Variants in DTNB observed in about 807,000 individuals in gnomAD.
DTNB encodes the protein DTN-B.
DTNB carries 63 observed loss-of-function variants against 90.7 expected under a neutral mutation model. That is an observed-to-expected ratio of 0.69 (90% CI 0.57 to 0.86). DTNB has a LOEUF of 0.86. DTNB is among the 40% of genes least tolerant of loss of function. The pLI is 0.00. For synonymous variants in DTNB, 277 were observed against 286.7 expected (o/e 0.97, Z 0.34); for missense variants, 744 against 807.1 (o/e 0.92, Z 0.95).
chr2:25,477,208 CTATAG>C, intron 10 of DTNB, among the ~76,000 whole-genome samples: 1 of 152,224 alleles, frequency 6.6e-6, no homozygotes, highest in East Asian at 1.9e-4. Flanking sequence ...ACTTATGAGG[CTATAG>C]TATAGTGTAA....
chr2:25,587,193 G>A (rs1358502270), intron 6 of DTNB, among the ~76,000 whole-genome samples: 1 of 152,216 alleles, frequency 6.6e-6, no homozygotes, highest in Non-Finnish European at 1.5e-5. Context: ...AGCAGGCAAT[G>A]AGGAGTGAGT....
chr2:25,464,095 G>C (rs2061418934), intron 10 of DTNB, among the ~76,000 whole-genome samples: 1 of 152,216 alleles, frequency 6.6e-6, no homozygotes, highest in African/African-American at 2.4e-5. Flanking sequence ...TTTTAGTAGA[G>C]TTGGGGTTTC....
intron 9 of DTNB, among the ~76,000 whole-genome samples, chr2:25,504,594 A>C (rs2071867285): frequency 6.6e-6 from 1 of 151,362 alleles, no homozygotes; most frequent in African/African-American, 2.4e-5. Flanking sequence ...AAGAAAGAGA[A>C]AGAAGGAAAG....
intron 3 of DTNB, among the ~76,000 whole-genome samples, chr2:25,636,070 T>C (rs1054808869): frequency 2.6e-5 from 4 of 152,162 alleles, no homozygotes; most frequent in African/African-American, 9.7e-5. Flanking sequence ...GTAAAGAAAA[T>C]TGTTTATTTT....
chr2:25,498,744 A>C (rs1443528770), intron 9 of DTNB, among the ~76,000 whole-genome samples: 1 of 145,816 alleles, frequency 6.9e-6, no homozygotes, highest in Non-Finnish European at 1.5e-5. Flanking sequence ...GCTATTCAGG[A>C]GGCTGAGGTG....
intron 16 of DTNB, among the ~76,000 whole-genome samples, chr2:25,400,575 T>C (rs958181957): frequency 1.3e-5 from 2 of 152,194 alleles, no homozygotes; most frequent in African/African-American, 4.8e-5. Flanking sequence ...GATGGGGATA[T>C]GTTGTCCAAT....
At chr2:25,606,495 G>GA (rs1346948367) in intron 5 of DTNB, among the ~76,000 whole-genome samples, 2 of 152,096 alleles carry the variant, frequency 1.3e-5, no homozygotes, top group Non-Finnish European at 2.9e-5. Context: ...ATAAAATGAA[G>GA]AAAATATCAC....
At chr2:25,431,859 G>A (rs1041481850) in intron 14 of DTNB, among the ~76,000 whole-genome samples, 20 of 152,230 alleles carry the variant, frequency 1.3e-4, no homozygotes, top group Middle Eastern at 3.4e-3. Context: ...GTAAACCACA[G>A]AGCCACCCAA....
intron 9 of DTNB, among the ~76,000 whole-genome samples, chr2:25,499,807 A>G (rs994743143): frequency 6.6e-6 from 1 of 152,208 alleles, no homozygotes. Flanking sequence ...GAAAACCACA[A>G]TTGGAACACA....
At chr2:25,552,857 T>A in intron 8 of DTNB, among the ~76,000 whole-genome samples, 1 of 131,626 alleles carries the variant, frequency 7.6e-6, no homozygotes, top group Non-Finnish European at 1.6e-5. Flanking sequence ...TTTTTTTTTT[T>A]TTTTTTTTTT....
At chr2:25,606,694 G>C (rs1573312004) in intron 5 of DTNB, among the ~76,000 whole-genome samples, 2 of 151,936 alleles carry the variant, frequency 1.3e-5, no homozygotes, top group South Asian at 4.1e-4. Context: ...AGTATCTAAT[G>C]AATGGTAAAA....
rs1285823037 is a variant in DTNB, at chr2:25,433,986, G to A, written c.1267C>T (p.Pro423Ser). The A allele has an allele frequency of 1.2e-6, 2 of 1,613,038 alleles. No individual in the cohort carries two copies. The highest frequency in any genetic ancestry group is 1.7e-6 in the Non-Finnish European group (2 of 1,179,762). Residue 423 changes from proline to serine, a missense_variant, in exon 13 of 21, where the codon CCC becomes TCC. Pro to Ser is a moderately conservative substitution (Grantham distance 74, BLOSUM62 -1). Transcript: ENST00000406818. ...TCAAAGTTAAAGCTCAAGTCAGTGGGAGGACGAGTCTAAAGTGGGGAAGTC... is the reference window on the plus strand; with the variant it reads ...TCAAAGTTAAAGCTCAAGTCAGTGGAAGGACGAGTCTAAAGTGGGGAAGTC... ...AAEAGNVTRP[P>S]TDLSFNFDAN...
chr2:25,436,259 T>C (rs2149999886), intron 12 of DTNB, among the ~76,000 whole-genome samples: 1 of 152,002 alleles, frequency 6.6e-6, no homozygotes, highest in Middle Eastern at 3.4e-3. Context: ...TGCTTGAACC[T>C]GGGAGGTGGT....
In DTNB at chr2:25,639,159, G is replaced by T. The variant is rs1231770983; in HGVS notation, c.68-65C>A. 5.5e-6 allele frequency: 8 copies of T among 1,459,290 alleles called. No individual in the cohort carries two copies. The East Asian group carries it at 7.5e-5, about 14-fold the overall frequency. 90.4% of individuals were successfully genotyped at this position (1,459,290 alleles called of 1,614,324 possible). A position where few individuals can be genotyped will look rare whatever the true frequency, so the allele number is the denominator to read the frequency against. ...ATTTAGTTTCCAAACGCTAGGAAATGACTCCATTCTATTGTATTGTCATAG... is the reference window on the plus strand; with the variant it reads ...ATTTAGTTTCCAAACGCTAGGAAATTACTCCATTCTATTGTATTGTCATAG... On this transcript the variant is annotated intron_variant, in intron 2 of 20. Coordinates refer to ENST00000406818, the MANE Select transcript of DTNB (RefSeq NM_021907.5).
chr2:25,430,782 T>C (rs1049618741), intron 14 of DTNB, among the ~76,000 whole-genome samples: 4 of 152,216 alleles, frequency 2.6e-5, no homozygotes, highest in Non-Finnish European at 5.9e-5. Flanking sequence ...AGTCATATTA[T>C]GAGTTCTCAA....
At chr2:25,546,923 C>T (rs1257587912) in intron 8 of DTNB, among the ~76,000 whole-genome samples, 1 of 151,958 alleles carries the variant, frequency 6.6e-6, no homozygotes. Context: ...CAGCGCTCAC[C>T]ATAGCCTTGA....
chr2:25,622,856 G>C (rs1222807049), intron 4 of DTNB, among the ~76,000 whole-genome samples: 1 of 151,890 alleles, frequency 6.6e-6, no homozygotes, highest in Admixed American at 6.6e-5. Context: ...AAGACAATAC[G>C]AAACAAGAAC....
intron 8 of DTNB, among the ~76,000 whole-genome samples, chr2:25,539,273 A>G (rs2080594817): frequency 6.6e-6 from 1 of 152,218 alleles, no homozygotes. Flanking sequence ...TTACTGGCTC[A>G]TAGTGTTACG....
At chr2:25,390,590 C>T (rs865802341) in intron 16 of DTNB, among the ~76,000 whole-genome samples, 26 of 151,744 alleles carry the variant, frequency 1.7e-4, no homozygotes, top group African/African-American at 5.6e-4. Context: ...ATTACAGGTG[C>T]GTGTGTGCCA....
Sources: gnomAD v4.1 joint callset for allele counts (sites outside exome capture counted in the v4.1 genomes callset) on GRCh38, gnomAD v4.1.1 for gene constraint, MANE v1.5 for transcripts, NCBI Gene and HGNC (gene_info 2026-07-23, HGNC 2026-07-21) for gene names.